COG3: variants seen among roughly 807,000 people sequenced by gnomAD.
COG3 encodes conserved oligomeric Golgi complex subunit 3.
In COG3, 32 loss-of-function variants were observed where a neutral mutation model predicts 114.1. The observed-to-expected ratio is 0.28, with a 90% CI of 0.21 to 0.38. The LOEUF (loss-of-function observed/expected upper bound fraction) is 0.38, where lower values mean the gene tolerates loss of function less well. Among genes scored for constraint, COG3 ranks in the 10% least tolerant of loss-of-function variants. COG3 has a pLI of 1.00. For synonymous variants in COG3, 352 were observed against 365.7 expected (o/e 0.96, Z 0.43); for missense variants, 813 against 973.2 (o/e 0.84, Z 2.19).
intron 22 of COG3, among the ~76,000 whole-genome samples, chr13:45,531,517 T>TG (rs1215614090): frequency 6.6e-6 from 1 of 151,556 alleles, no homozygotes; most frequent in East Asian, 1.9e-4. Flanking sequence ...TTTGTTTTGT[T>TG]TTGTTTTGTT....
At chr13:45,505,166 G>A (rs996437902) in intron 14 of COG3, among the ~76,000 whole-genome samples, 1 of 150,796 alleles carries the variant, frequency 6.6e-6, no homozygotes, top group Non-Finnish European at 1.5e-5. Context: ...CAGCCTGGGC[G>A]ACAGAGTGAG....
chr13:45,483,091 C>T, intron 6 of COG3, 139 bp from the exon 7 acceptor site: 1 of 564,370 alleles, frequency 1.8e-6, no homozygotes, highest in African/African-American at 1.9e-5. Context: ...TATTCATCTT[C>T]ATGGAGTTTA....
intron 1 of COG3, among the ~76,000 whole-genome samples, chr13:45,466,331 G>T (rs2137762370): frequency 6.6e-6 from 1 of 152,252 alleles, no homozygotes; most frequent in Middle Eastern, 3.4e-3. Flanking sequence ...GAGCCACCGT[G>T]CCTGGCCTGA....
At chr13:45,509,626 T>A in intron 14 of COG3, 66 bp from the exon 15 acceptor site, 6 of 1,588,374 alleles carry the variant, frequency 3.8e-6, no homozygotes, top group Non-Finnish European at 4.3e-6. Flanking sequence ...ATAGTTGCCA[T>A]GTAAATTATT....
chr13:45,531,180 C>A (rs1378623401), intron 22 of COG3: 5 of 503,922 alleles, frequency 9.9e-6, no homozygotes, highest in Non-Finnish European at 2.6e-6. Flanking sequence ...TATTTGGCTA[C>A]ACGAGTAAGT....
At chr13:45,491,634 C>A in intron 10 of COG3, 96 bp downstream of exon 10, 1 of 1,149,762 alleles carries the variant, frequency 8.7e-7, no homozygotes, top group Non-Finnish European at 1.2e-6. Context: ...ATTTGGGGCC[C>A]ATAGTTAACT....
At chr13:45,501,217 C>G (rs779872552) in intron 13 of COG3, among the ~76,000 whole-genome samples, 5 of 152,206 alleles carry the variant, frequency 3.3e-5, no homozygotes, top group Non-Finnish European at 7.3e-5. Context: ...GGGTTGTGCT[C>G]TACCTTTTTT....
intron 7 of COG3, 30 bp from the exon 8 acceptor site, chr13:45,486,461 TCTTC>T (rs2137816689): frequency 5.3e-6 from 7 of 1,312,388 alleles, no homozygotes; most frequent in Non-Finnish European, 7.7e-6. Context: ...TTGCTAATTA[TCTTC>T]CTTCCTTATC....
chr13:45,509,493 CAGTT>C (rs1051742143), intron 14 of COG3, among the ~76,000 whole-genome samples, 195 bp from the exon 15 acceptor site: 1 of 152,178 alleles, frequency 6.6e-6, no homozygotes, highest in African/African-American at 2.4e-5. Context: ...TGTGTATTCT[CAGTT>C]ACTGTGTTAA....
intron 14 of COG3, among the ~76,000 whole-genome samples, chr13:45,508,250 A>G (rs1444858582): frequency 1.3e-5 from 2 of 150,618 alleles, no homozygotes; most frequent in Non-Finnish European, 3.0e-5. Context: ...ATACCAGTGT[A>G]TCATAGATCT....
intron 22 of COG3, among the ~76,000 whole-genome samples, chr13:45,533,407 C>A (rs1439347985): frequency 6.6e-6 from 1 of 151,812 alleles, no homozygotes; most frequent in African/African-American, 2.4e-5. Context: ...TTCATTTTGC[C>A]CCATTTGCTT....
chr13:45,505,488 A>G (rs535620529), intron 14 of COG3, among the ~76,000 whole-genome samples: 5 of 152,044 alleles, frequency 3.3e-5, no homozygotes, highest in African/African-American at 9.6e-5. Context: ...TTTTTAGTAG[A>G]GATGGGGTTT....
At chr13:45,466,290 C>T (rs569329533) in intron 1 of COG3, among the ~76,000 whole-genome samples, 3 of 152,270 alleles carry the variant, frequency 2.0e-5, no homozygotes, top group Admixed American at 6.5e-5. Flanking sequence ...CTGCCCGCCT[C>T]GGCCTCCGAA....
intron 11 of COG3, among the ~76,000 whole-genome samples, chr13:45,492,845 T>TA (rs1292533973): frequency 6.6e-6 from 1 of 152,176 alleles, no homozygotes; most frequent in Non-Finnish European, 1.5e-5. Context: ...ATAGACAACT[T>TA]AAGTTTTTCT....
intron 22 of COG3, chr13:45,534,495 A>G (rs546666466): frequency 9.6e-6 from 4 of 416,956 alleles, no homozygotes; most frequent in African/African-American, 6.2e-5. Flanking sequence ...GGCTCTAAAC[A>G]ACTTTTTTTT....
At chr13:45,497,163 C>G (rs1479412080) in intron 13 of COG3, among the ~76,000 whole-genome samples, 1 of 152,058 alleles carries the variant, frequency 6.6e-6, no homozygotes, top group African/African-American at 2.4e-5. Flanking sequence ...TCATAAAAAC[C>G]CTGGAGGCCG....
intron 7 of COG3, among the ~76,000 whole-genome samples, chr13:45,483,853 T>G (rs1244692077): frequency 2.0e-5 from 3 of 152,202 alleles, no homozygotes; most frequent in Non-Finnish European, 4.4e-5. Context: ...GAGCACTGCC[T>G]AATGCTTGAT....
intron 7 of COG3, 123 bp downstream of exon 7, chr13:45,483,478 G>C (rs1886381636): frequency 1.8e-6 from 1 of 570,846 alleles, no homozygotes; most frequent in Non-Finnish European, 2.9e-6. Flanking sequence ...CTTTTGTTAA[G>C]AATATGTACT....
rs188701760 is a variant in COG3 at position 45,509,704 on chromosome 13, C to T, written c.1607C>T (p.Ser536Phe). 1.7e-5 allele frequency: 27 copies of T among 1,613,650 alleles called. No homozygotes were observed. In the East Asian group the frequency reaches 5.6e-4, roughly 33 times the overall value. ...ACTTGGGTTTTAGGTTCAACAGAATCCCTCAATCCTAGACCACAGACCACA... is the reference window on the plus strand; with the variant it reads ...ACTTGGGTTTTAGGTTCAACAGAATTCCTCAATCCTAGACCACAGACCACA... Reference protein sequence around the residue: ...NSLTKSGSTESLNPRPQTTIS... With the variant: ...NSLTKSGSTEFLNPRPQTTIS... The change falls in exon 15 of 23, where the codon TCC becomes TTC. Residue 536 changes from serine (S) to phenylalanine (F), a missense_variant. Coordinates refer to ENST00000349995, the MANE Select transcript of COG3 (RefSeq NM_031431.4).
Sources: gnomAD v4.1 joint callset for allele counts (sites outside exome capture counted in the v4.1 genomes callset) on GRCh38, gnomAD v4.1.1 for gene constraint, MANE v1.5 for transcripts, NCBI Gene and HGNC (gene_info 2026-07-23, HGNC 2026-07-21) for gene names.